HKDC1: variants seen among roughly 807,000 people sequenced by gnomAD.
HKDC1 encodes hexokinase HKDC1.
Under a neutral mutation model 96.6 loss-of-function variants are expected in HKDC1, and 66 were observed. The ratio of observed to expected loss-of-function variants is 0.68; its 90% CI spans 0.56 to 0.84. HKDC1 has a LOEUF of 0.84. Ranked by LOEUF, HKDC1 falls within the 40% of genes least tolerant of loss-of-function variation. The pLI, the probability that HKDC1 is intolerant of heterozygous loss-of-function variation, is 0.00. For missense variants in HKDC1, 1,211 were observed against 1,208.1 expected (o/e 1.00, Z -0.04); for synonymous variants, 466 against 473.1 (o/e 0.98, Z 0.20).
In HKDC1 at chr10:69,247,560, G is replaced by T. The variant is rs756161477; in HGVS notation, c.1232G>T (p.Gly411Val). ...KKVERLRTTV[G>V]MDGTLYKIHP... ...GTGGAACGGCTCCGGACCACAGTGG[G>T]CATGGACGGCACCCTCTACAAGATA... Residue 411 changes from glycine to valine, a missense_variant, in exon 9 of 18, where the codon GGC becomes GTC. Transcript: ENST00000354624. 1 of 1,614,126 alleles carries T rather than the reference G, an allele frequency of 6.2e-7. No individual in the cohort carries two copies. Among genetic ancestry groups the T allele is most frequent in the Admixed American group, 1.7e-5 (1 of 60,012 alleles).
chr10:69,248,886 C>G, intron 10 of HKDC1, 158 bp downstream of exon 10: 5 of 685,824 alleles, frequency 7.3e-6, no homozygotes, highest in Non-Finnish European at 7.0e-6. Flanking sequence ...AATCTGTTGG[C>G]CTTTGTTAAC....
intron 15 of HKDC1, among the ~76,000 whole-genome samples, chr10:69,259,575 C>T (rs949221826): frequency 6.6e-6 from 1 of 152,200 alleles, no homozygotes; most frequent in Non-Finnish European, 1.5e-5. Context: ...TTAGTCCATT[C>T]TCCCGTTGCT....
intron 15 of HKDC1, among the ~76,000 whole-genome samples, chr10:69,259,551 G>C (rs991154995): frequency 3.3e-5 from 5 of 152,206 alleles, no homozygotes; most frequent in African/African-American, 1.2e-4. Flanking sequence ...CAGAGCTAGA[G>C]CTGGCATGTG....
rs767239363 is a variant in HKDC1, at chr10:69,250,335, G to A, written c.1616G>A (p.Arg539Gln). ...CTGGATCTTGGGGGAACCAACTTCC[G>A]GGTCCTCCTGGTGAAGATCAGAAGT... The part of the protein sequence containing the change: ...LALDLGGTNF[R>Q]VLLVKIRSGR... The change falls in exon 11 of 18, where the codon CGG (arginine) becomes CAG (glutamine). Residue 539 changes from arginine to glutamine, a missense_variant. Transcript: ENST00000354624. 8.1e-6 allele frequency: 13 copies of A among 1,613,942 alleles called. No individual in the cohort carries two copies. Among genetic ancestry groups the A allele is most frequent in the Admixed American group, 6.7e-5 (4 of 60,002 alleles).
At position 69,220,394 on chromosome 10, in the gene HKDC1, A is replaced by C; in HGVS notation, c.-42A>C. 6.6e-7 allele frequency: 1 copy of C among 1,519,326 alleles called. No individual in the cohort carries two copies. Among genetic ancestry groups the C allele is most frequent in the Non-Finnish European group, 9.0e-7 (1 of 1,114,328 alleles). The allele number at this position is 1,519,326 out of a possible 1,614,324, so 94.1% of individuals were successfully genotyped here. ...AGAGTCGTAGGAGTGAACACTGCAC[A>C]GGAATCTCTGCCCATCTCAGGAGAA... On this transcript the variant is annotated 5_prime_UTR_variant, in exon 1 of 18. Coordinates refer to ENST00000354624, the MANE Select transcript of HKDC1 (RefSeq NM_025130.4).
chr10:69,256,474 A>G (rs1843717700), intron 12 of HKDC1, among the ~76,000 whole-genome samples: 2 of 152,220 alleles, frequency 1.3e-5, no homozygotes, highest in African/African-American at 4.8e-5. Flanking sequence ...TTGGAGGCCA[A>G]GTCAGGCGGA....
At position 69,240,667 on chromosome 10, in the gene HKDC1, A is replaced by C. The variant is rs1451112333; in HGVS notation, c.607A>C (p.Ile203Leu). 1 of 1,613,946 alleles carries C rather than the reference A, an allele frequency of 6.2e-7. No homozygotes were observed. The change falls in exon 6 of 18, where the codon ATC (isoleucine) becomes CTC (leucine). Residue 203 changes from isoleucine to leucine, a missense_variant. Transcript: ENST00000354624. ...TGTTCGGCAGGACATGGACGTGGAC[A>C]TCCTGGCCCTGGTCAATGACACCGT... The part of the protein sequence containing the change: ...MRRHKDMDVD[I>L]LALVNDTVGT...
In HKDC1 at chr10:69,232,872, A is replaced by G; in HGVS notation, c.335A>G (p.Tyr112Cys). Residue 112 changes from tyrosine to cysteine, a missense_variant, in exon 3 of 18, where the codon TAC (tyrosine) becomes TGC (cysteine). Tyr to Cys is a radical substitution (Grantham distance 194). Transcript: ENST00000354624. ...CACGTGCAGATGGAGAGTCAGTTCT[A>G]CCCAACGCCCAATGAAATCATCCGC... Reference protein sequence around the residue: ...KRHVQMESQFYPTPNEIIRGN... With the variant: ...KRHVQMESQFCPTPNEIIRGN... 6.2e-7 allele frequency: 1 copy of G among 1,613,912 alleles called. No homozygotes were observed. The highest frequency in any genetic ancestry group is 8.5e-7 in the Non-Finnish European group (1 of 1,180,024).
At chr10:69,235,558 G>C (rs1843348246) in intron 4 of HKDC1, among the ~76,000 whole-genome samples, 1 of 152,202 alleles carries the variant, frequency 6.6e-6, no homozygotes, top group South Asian at 2.1e-4. Flanking sequence ...TGTATGTCAG[G>C]GGGTTGGGAA....
intron 14 of HKDC1, 97 bp downstream of exon 14, chr10:69,257,523 A>G (rs1843738657): frequency 3.0e-6 from 3 of 996,100 alleles, no homozygotes; most frequent in African/African-American, 1.6e-5. Context: ...TCCATTATAC[A>G]GAGGCTCTGC....
intron 1 of HKDC1, 58 bp from the exon 2 acceptor site, chr10:69,227,149 C>T: frequency 6.3e-7 from 1 of 1,593,460 alleles, no homozygotes; most frequent in Non-Finnish European, 8.6e-7. Context: ...GGGTTACAGC[C>T]TCGACTGGAG....
intron 2 of HKDC1, among the ~76,000 whole-genome samples, chr10:69,231,120 C>T (rs534469794): frequency 3.2e-4 from 49 of 152,250 alleles, no homozygotes; most frequent in African/African-American, 1.2e-3. Flanking sequence ...CGATGCGGGC[C>T]GGGAGTGGGA....
At chr10:69,237,139 A>G (rs1843374005) in intron 4 of HKDC1, among the ~76,000 whole-genome samples, 1 of 152,144 alleles carries the variant, frequency 6.6e-6, no homozygotes, top group Non-Finnish European at 1.5e-5. Flanking sequence ...GAAAATGATT[A>G]AAGAAGGTAG....
In HKDC1 at chr10:69,238,373, T is replaced by TC. The variant is rs947283031; in HGVS notation, c.496-669_496-668insC. 2.8e-3 allele frequency among the ~76,000 whole-genome samples: 7 copies of TC among 2,468 alleles called. 2 individuals carry two copies. Among genetic ancestry groups the TC allele is most frequent in the African/African-American group, 6.0e-3 (7 of 1,172 alleles). The allele number at this position is 2,468 out of a possible 152,430, so 1.6% of individuals were successfully genotyped here. On this transcript the variant is annotated intron_variant, in intron 4 of 17. Coordinates refer to ENST00000354624, the MANE Select transcript of HKDC1 (RefSeq NM_025130.4). ...TATAATACACCAGGTATTTTCTTTT[T>TC]TTTTTTTTTTTTTTGAGACGGAGTC...
At chr10:69,225,592 G>A (rs182012459) in intron 1 of HKDC1, among the ~76,000 whole-genome samples, 7 of 152,278 alleles carry the variant, frequency 4.6e-5, no homozygotes, top group African/African-American at 1.4e-4. Flanking sequence ...TCTGTTCGTT[G>A]TCACGAGACT....
At position 69,246,062 on chromosome 10, in the gene HKDC1, T is replaced by C. The variant is rs1843536573; in HGVS notation, c.876-17T>C. The C allele has an allele frequency of 6.2e-7, 1 of 1,612,746 alleles. No individual in the cohort carries two copies. Among genetic ancestry groups the C allele is most frequent in the South Asian group, 1.1e-5 (1 of 91,070 alleles). ...ATCAAAGGGGCTGCGTCCACAGATC[T>C]GTTCACCAACCTGCAGGTTCGAGAA... On this transcript the variant is annotated splice_polypyrimidine_tract_variant and intron_variant, in intron 7 of 17. Transcript: ENST00000354624.
At chr10:69,255,157 C>T (rs189989905) in intron 12 of HKDC1, among the ~76,000 whole-genome samples, 5 of 152,192 alleles carry the variant, frequency 3.3e-5, no homozygotes, top group African/African-American at 1.2e-4. Flanking sequence ...CTGAAGGTGT[C>T]GTGAAGACAC....
intron 16 of HKDC1, among the ~76,000 whole-genome samples, chr10:69,264,403 T>G (rs1843858724): frequency 6.6e-6 from 1 of 151,748 alleles, no homozygotes; most frequent in Admixed American, 6.6e-5. Flanking sequence ...AGACAAGATC[T>G]TACGCTATTA....
intron 14 of HKDC1, among the ~76,000 whole-genome samples, chr10:69,258,121 T>G (rs1843748218): frequency 6.6e-6 from 1 of 152,210 alleles, no homozygotes; most frequent in Non-Finnish European, 1.5e-5. Flanking sequence ...CTGAGTTATC[T>G]CCCATGCCAG....
Sources: gnomAD v4.1 joint callset for allele counts (sites outside exome capture counted in the v4.1 genomes callset) on GRCh38, gnomAD v4.1.1 for gene constraint, MANE v1.5 for transcripts, NCBI Gene and HGNC (gene_info 2026-07-23, HGNC 2026-07-21) for gene names.